CMIP: variants seen among roughly 807,000 people sequenced by gnomAD.
CMIP encodes C-Maf-inducing protein.
Under a neutral mutation model 97.3 loss-of-function variants are expected in CMIP, and 13 were observed. The observed-to-expected ratio is 0.13, with a 90% CI of 0.09 to 0.21. The LOEUF (loss-of-function observed/expected upper bound fraction) is 0.21. CMIP is among the 10% of genes least tolerant of loss of function. The pLI, the probability that CMIP is intolerant of heterozygous loss-of-function variation, is 1.00. For synonymous variants in CMIP, 538 were observed against 436.3 expected (o/e 1.23, Z -2.91); for missense variants, 847 against 1,024.9 (o/e 0.83, Z 2.37).
intron 3 of CMIP, among the ~76,000 whole-genome samples, chr16:81,625,372 T>C (rs2092047525): frequency 6.6e-6 from 1 of 152,252 alleles, no homozygotes; most frequent in African/African-American, 2.4e-5. Flanking sequence ...AAGCATTAAA[T>C]AGTTATTCTG....
intron 18 of CMIP, 71 bp downstream of exon 18, chr16:81,704,156 CCCGTACCAT>C (rs2151101911): frequency 7.2e-7 from 1 of 1,392,006 alleles, no homozygotes; most frequent in Middle Eastern, 1.8e-4. Context: ...TCCCTATTCC[CCCGTACCAT>C]CTTCCTTTCC....
In CMIP at chr16:81,614,430, C is replaced by T. The variant is rs1023444712; in HGVS notation, c.427-6446C>T. Among the ~76,000 whole-genome samples, 1 of 152,140 alleles carries T rather than the reference C, an allele frequency of 6.6e-6. No homozygotes were observed. Among genetic ancestry groups the T allele is most frequent in the Non-Finnish European group, 1.5e-5 (1 of 68,024 alleles). ...GGGTCACTTCAGCATGACATCAGCTCGTTGCATTGGCCTGTGTGCTTGCCA... is the reference window on the plus strand; with the variant it reads ...GGGTCACTTCAGCATGACATCAGCTTGTTGCATTGGCCTGTGTGCTTGCCA... On this transcript the variant is annotated intron_variant, in intron 2 of 20. Transcript: ENST00000537098. The surrounding 1 kb of genome is among the most constrained non-coding windows in gnomAD (Gnocchi z 5.3).
At chr16:81,491,801 C>G (rs969408116) in intron 1 of CMIP, among the ~76,000 whole-genome samples, 1 of 152,220 alleles carries the variant, frequency 6.6e-6, no homozygotes, top group Non-Finnish European at 1.5e-5. Context: ...ACTTATTCCT[C>G]TTGGTCTTGG....
chr16:81,552,958 A>G (rs2090688102), intron 1 of CMIP, among the ~76,000 whole-genome samples: 1 of 152,170 alleles, frequency 6.6e-6, no homozygotes, highest in Non-Finnish European at 1.5e-5. Context: ...CTTCCAGTGC[A>G]GGGGGTTTGG....
chr16:81,497,854 C>T (rs1337668376), intron 1 of CMIP, among the ~76,000 whole-genome samples: 1 of 152,246 alleles, frequency 6.6e-6, no homozygotes, highest in Non-Finnish European at 1.5e-5. Context: ...TCCTTCTGCC[C>T]GTGCAGCGTG....
intron 2 of CMIP, among the ~76,000 whole-genome samples, chr16:81,618,303 C>A (rs1168734091): frequency 1.3e-5 from 2 of 152,118 alleles, no homozygotes; most frequent in Non-Finnish European, 2.9e-5. Context: ...GGCTCATGGC[C>A]ACATCACTCT....
intron 1 of CMIP, chr16:81,476,315 G>A (rs368204652): frequency 1.8e-5 from 28 of 1,534,510 alleles, no homozygotes; most frequent in South Asian, 7.8e-5. Context: ...CCATTACGGC[G>A]TGTGAAGTCA....
chr16:81,509,096 A>G (rs966841530), intron 1 of CMIP, among the ~76,000 whole-genome samples: 2 of 152,220 alleles, frequency 1.3e-5, no homozygotes, highest in African/African-American at 4.8e-5. Flanking sequence ...TACTCTTCAG[A>G]GAGAAAAAGT....
chr16:81,598,059 G>A (rs2091592572), intron 1 of CMIP, among the ~76,000 whole-genome samples: 2 of 152,194 alleles, frequency 1.3e-5, no homozygotes, highest in South Asian at 2.1e-4. Context: ...TCTGAGTCTC[G>A]GTTTCCTCAT....
At chr16:81,666,072 T>A (rs1372923124) in intron 7 of CMIP, 1 of 152,178 alleles carries the variant, frequency 6.6e-6, no homozygotes, top group Non-Finnish European at 1.5e-5. Context: ...ACAAGGAGAC[T>A]CCCCACTGGG....
At chr16:81,563,910 A>C (rs901597023) in intron 1 of CMIP, among the ~76,000 whole-genome samples, 1 of 152,216 alleles carries the variant, frequency 6.6e-6, no homozygotes, top group Non-Finnish European at 1.5e-5. Context: ...ACCCAACCCC[A>C]TGCTGCAGCC....
chr16:81,623,312 T>C (rs2092017390), intron 3 of CMIP, among the ~76,000 whole-genome samples: 1 of 152,238 alleles, frequency 6.6e-6, no homozygotes, highest in South Asian at 2.1e-4. Flanking sequence ...ACCTGGATGT[T>C]TGCATTCAAT....
At chr16:81,449,286 T>C in intron 1 of CMIP, among the ~76,000 whole-genome samples, 1 of 152,256 alleles carries the variant, frequency 6.6e-6, no homozygotes, top group East Asian at 1.9e-4. Context: ...GGCTTGTTTT[T>C]AAATTTTCAC....
At chr16:81,626,028 C>T (rs2092056320) in intron 3 of CMIP, among the ~76,000 whole-genome samples, 2 of 152,196 alleles carry the variant, frequency 1.3e-5, no homozygotes, top group Admixed American at 1.3e-4. Context: ...AATCCCAGCC[C>T]AGCTTTGGAT....
chr16:81,570,650 C>T (rs116087572), intron 1 of CMIP, among the ~76,000 whole-genome samples: 305 of 152,182 alleles, frequency 2.0e-3, no homozygotes, highest in African/African-American at 7.1e-3. Context: ...CAGGGATGGC[C>T]TGAGGAAAGG....
chr16:81,710,611 CG>C lies in CMIP; in HGVS notation c.*813del, dbSNP rs1305383647. The C allele has an allele frequency of 6.6e-6, 1 of 152,166 alleles. No individual in the cohort carries two copies. Among genetic ancestry groups the C allele is most frequent in the Non-Finnish European group, 1.5e-5 (1 of 67,990 alleles). The allele number at this position is 152,166 out of a possible 1,614,324, so 9.4% of individuals were successfully genotyped here. A position where few individuals can be genotyped will look rare whatever the true frequency, so the allele number is the denominator to read the frequency against. Reference sequence around the variant, plus strand: ...TGGATTCTCTATGCTAATGCTCTCTCGTCTGTCTGTCTGTCTGCCCACTCCC... The same window carrying C: ...TGGATTCTCTATGCTAATGCTCTCTCTCTGTCTGTCTGTCTGCCCACTCCC... On this transcript the variant is annotated 3_prime_UTR_variant, in exon 21 of 21. Transcript: ENST00000537098.
chr16:81,620,947 T>C (rs1021838986), intron 3 of CMIP, 21 bp downstream of exon 3: 6 of 1,613,620 alleles, frequency 3.7e-6, no homozygotes, highest in Non-Finnish European at 5.1e-6. Context: ...ACTCGGTTGC[T>C]TGTTTAAAGC....
chr16:81,524,333 G>A (rs1170959516), intron 1 of CMIP, among the ~76,000 whole-genome samples: 1 of 152,250 alleles, frequency 6.6e-6, no homozygotes, highest in Non-Finnish European at 1.5e-5. Flanking sequence ...GGAGCTTAGA[G>A]GGGCAGAGAC....
intron 20 of CMIP, among the ~76,000 whole-genome samples, chr16:81,708,493 G>A (rs1212574001): frequency 6.6e-6 from 1 of 152,226 alleles, no homozygotes; most frequent in East Asian, 1.9e-4. Flanking sequence ...GGCCCCTTGG[G>A]AAGAAAAATC....
Sources: gnomAD v4.1 joint callset for allele counts (sites outside exome capture counted in the v4.1 genomes callset) on GRCh38, gnomAD v4.1.1 for gene constraint, Gnocchi (gnomAD v3.1) non-coding constraint, MANE v1.5 for transcripts, NCBI Gene and HGNC (gene_info 2026-07-23, HGNC 2026-07-21) for gene names.